The following MSH4 variants were observed in gnomAD, a reference collection of about 807,000 sequenced individuals.
The protein encoded by MSH4 is mutS homolog 4.
A neutral mutation model predicts 113.7 loss-of-function variants in MSH4; 106 were observed. The ratio of observed to expected loss-of-function variants is 0.93; its 90% CI spans 0.80 to 1.10. MSH4 has a LOEUF of 1.10. MSH4 is among the 50% of genes least tolerant of loss of function. MSH4 has a pLI of 0.00. For missense variants in MSH4, 1,061 were observed against 1,093.7 expected (o/e 0.97, Z 0.42); for synonymous variants, 368 against 380.2 (o/e 0.97, Z 0.37).
At chr1:75,821,305 A>G (rs1223559930) in intron 6 of MSH4, among the ~76,000 whole-genome samples, 12 of 152,048 alleles carry the variant, frequency 7.9e-5, no homozygotes, top group Non-Finnish European at 1.2e-4. Context: ...CTGAATGACT[A>G]CTGGGTACAT....
chr1:75,887,222 T>C (rs1652145389), intron 15 of MSH4, among the ~76,000 whole-genome samples: 1 of 152,200 alleles, frequency 6.6e-6, no homozygotes, highest in South Asian at 2.1e-4. Flanking sequence ...CTTGTGATAG[T>C]GAATTCTCAC....
At chr1:75,867,332 G>A (rs1389563089) in intron 8 of MSH4, among the ~76,000 whole-genome samples, 182 bp from the exon 9 acceptor site, 4 of 152,060 alleles carry the variant, frequency 2.6e-5, no homozygotes, top group South Asian at 2.1e-4. Context: ...TTGGGAAACC[G>A]GTGTGCTAGG....
chr1:75,888,257 A>G (rs754186558), intron 15 of MSH4, among the ~76,000 whole-genome samples: 3 of 151,350 alleles, frequency 2.0e-5, no homozygotes, highest in African/African-American at 4.9e-5. Flanking sequence ...CATTTTACCT[A>G]TACAGAATTC....
intron 12 of MSH4, among the ~76,000 whole-genome samples, chr1:75,879,777 C>T (rs1651891617): frequency 6.6e-6 from 1 of 152,118 alleles, no homozygotes; most frequent in Non-Finnish European, 1.5e-5. Flanking sequence ...GTGTTTTTAA[C>T]ATTTTAAGAC....
chr1:75,877,664 G>A (rs1278668582), intron 10 of MSH4, among the ~76,000 whole-genome samples: 1 of 152,174 alleles, frequency 6.6e-6, no homozygotes, highest in Non-Finnish European at 1.5e-5. Flanking sequence ...TTTACCACTG[G>A]TAATTGTGAG....
At chr1:75,854,253 A>G (rs1034542087) in intron 8 of MSH4, among the ~76,000 whole-genome samples, 31 of 151,826 alleles carry the variant, frequency 2.0e-4, no homozygotes, top group African/African-American at 7.2e-4. Flanking sequence ...ATATTAATAT[A>G]TTTGATATAT....
At chr1:75,904,044 C>T (rs950135813) in intron 19 of MSH4, among the ~76,000 whole-genome samples, 2 of 152,102 alleles carry the variant, frequency 1.3e-5, no homozygotes, top group African/African-American at 4.8e-5. Context: ...GTTCCTTCTA[C>T]ACCCAGTTTG....
chr1:75,798,225 T>C (rs1337281792), intron 1 of MSH4, among the ~76,000 whole-genome samples: 1 of 152,176 alleles, frequency 6.6e-6, no homozygotes, highest in Non-Finnish European at 1.5e-5. Flanking sequence ...TGCCCAAGCA[T>C]TGGGATTACA....
intron 17 of MSH4, among the ~76,000 whole-genome samples, chr1:75,896,725 C>T (rs949555930): frequency 2.6e-5 from 4 of 152,060 alleles, no homozygotes. Flanking sequence ...ACAATTCTTG[C>T]AACAGATAGG....
At chr1:75,824,055 G>A (rs1650489747) in intron 7 of MSH4, among the ~76,000 whole-genome samples, 1 of 152,092 alleles carries the variant, frequency 6.6e-6, no homozygotes, top group Admixed American at 6.6e-5. Context: ...TCGCCACACT[G>A]TCTTCCACAA....
At chr1:75,887,795 AGTTT>A (rs1175887162) in intron 15 of MSH4, among the ~76,000 whole-genome samples, 29 of 152,094 alleles carry the variant, frequency 1.9e-4, no homozygotes, top group Non-Finnish European at 8.8e-5. Flanking sequence ...GGAAATGGAC[AGTTT>A]GTTTATGTTT....
intron 9 of MSH4, among the ~76,000 whole-genome samples, chr1:75,873,672 C>T (rs1181903773): frequency 6.6e-6 from 1 of 152,098 alleles, no homozygotes; most frequent in Non-Finnish European, 1.5e-5. Context: ...ATTTGATTTT[C>T]CGTTCCTGTG....
intron 8 of MSH4, among the ~76,000 whole-genome samples, chr1:75,863,924 G>A (rs1651512300): frequency 6.6e-6 from 1 of 152,050 alleles, no homozygotes; most frequent in South Asian, 2.1e-4. Context: ...ATCACAAAGT[G>A]AACATTCATG....
chr1:75,891,748 C>T (rs962399438), intron 17 of MSH4, among the ~76,000 whole-genome samples: 1 of 152,080 alleles, frequency 6.6e-6, no homozygotes, highest in Non-Finnish European at 1.5e-5. Context: ...CCGTCATGCC[C>T]AGCTCGTAAT....
chr1:75,852,924 G>C (rs1651220080), intron 8 of MSH4, among the ~76,000 whole-genome samples: 1 of 151,946 alleles, frequency 6.6e-6, no homozygotes, highest in African/African-American at 2.4e-5. Context: ...TTACATCCTT[G>C]CTTTTCATCA....
chr1:75,872,667 G>A (rs1161177130), intron 9 of MSH4, among the ~76,000 whole-genome samples: 1 of 152,172 alleles, frequency 6.6e-6, no homozygotes, highest in Non-Finnish European at 1.5e-5. Flanking sequence ...CCACTTAATG[G>A]TATACTGATC....
intron 7 of MSH4, among the ~76,000 whole-genome samples, chr1:75,828,590 T>G (rs1214316065): frequency 6.6e-6 from 1 of 152,140 alleles, no homozygotes; most frequent in Non-Finnish European, 1.5e-5. Context: ...CTTACTTATA[T>G]GTGGGAGCTA....
chr1:75,816,610 A>G (rs983728745), intron 6 of MSH4, 64 bp downstream of exon 6: 6 of 990,548 alleles, frequency 6.1e-6, no homozygotes, highest in Non-Finnish European at 6.8e-6. Context: ...TATTAATGGT[A>G]ACTTTAAAGT....
Position 75,912,877 on chromosome 1 carries a change from C to G in MSH4, c.2801C>G (p.Thr934Ser). 1 of 1,512,972 alleles carries G rather than the reference C, an allele frequency of 6.6e-7. No homozygotes were observed. Among genetic ancestry groups the G allele is most frequent in the Non-Finnish European group, 8.8e-7 (1 of 1,131,954 alleles). The allele number at this position is 1,512,972 out of a possible 1,614,324, so 93.7% of individuals were successfully genotyped here. ...AGGACTGAACAAGTTCCAGAAAAGA[C>G]TGAAGAATAATCACAATTCTAATGT... ...FPRTEQVPEK[T>S]EE is the part of the protein sequence containing the mutation. Residue 934 changes from threonine (T) to serine (S), a missense_variant, in exon 20 of 20, where the codon ACT becomes AGT. Thr to Ser is a moderately conservative substitution (Grantham distance 58). Transcript: ENST00000263187.
Sources: gnomAD v4.1 joint callset for allele counts (sites outside exome capture counted in the v4.1 genomes callset) on GRCh38, gnomAD v4.1.1 for gene constraint, MANE v1.5 for transcripts, NCBI Gene and HGNC (gene_info 2026-07-23, HGNC 2026-07-21) for gene names.